SSBP4: variants seen among roughly 807,000 people sequenced by gnomAD.
SSBP4 encodes single stranded DNA binding protein 4.
A neutral mutation model predicts 64.6 loss-of-function variants in SSBP4; 33 were observed. The observed-to-expected ratio is 0.51, with a 90% CI of 0.39 to 0.68. The LOEUF is 0.68. Ranked by LOEUF, SSBP4 falls within the 30% of genes least tolerant of loss-of-function variation. The pLI is 0.00. For missense variants in SSBP4, 583 were observed against 566.8 expected, an observed-to-expected ratio of 1.03 and a Z score of -0.29; for synonymous variants, 243 against 224.0, an observed-to-expected ratio of 1.08 and a Z score of -0.76.
upstream of SSBP4, among the ~76,000 whole-genome samples, chr19:18,418,599 G>T (rs1175855207): frequency 2.0e-5 from 3 of 152,236 alleles, no homozygotes; most frequent in Admixed American, 6.5e-5. The surrounding 1 kb of genome is among the most constrained non-coding windows in gnomAD (Gnocchi z 6.7). Context: ...TCGGGGTGGT[G>T]CCAGGTGGCT....
At position 18,419,574 on chromosome 19, in the gene SSBP4, G is replaced by C. The variant is rs1392080802; in HGVS notation, c.-75G>C. The C allele has an allele frequency of 7.4e-6, 9 of 1,211,552 alleles. No homozygotes were observed. Among genetic ancestry groups the C allele is most frequent in the South Asian group, 2.5e-5 (1 of 39,346 alleles). The allele number at this position is 1,211,552 out of a possible 1,614,324, so 75.1% of individuals were successfully genotyped here. A position where few individuals can be genotyped will look rare whatever the true frequency, so the allele number is the denominator to read the frequency against. ...GCGGTGAGGCCCGGGGCGCGGGGTA[G>C]CTATGGCGACGGCAAGCGCGGCCCG... On this transcript the variant is annotated 5_prime_UTR_variant, in exon 1 of 18. Coordinates refer to ENST00000270061, the MANE Select transcript of SSBP4 (RefSeq NM_032627.5).
chr19:18,417,069 C>G (rs1447209063), upstream of SSBP4, among the ~76,000 whole-genome samples: 1 of 151,998 alleles, frequency 6.6e-6, no homozygotes, highest in Non-Finnish European at 1.5e-5. This position sits in a 1 kb window ranked among gnomAD's most constrained non-coding sequence, Gnocchi z 5.4. Flanking sequence ...CTCCCTCCCT[C>G]CTTCCCTCCC....
the SSBP4 span, among the ~76,000 whole-genome samples, chr19:18,408,823 T>G: frequency 6.6e-6 from 1 of 151,826 alleles, no homozygotes; most frequent in Non-Finnish European, 1.5e-5. Flanking sequence ...TCTTTTGGTT[T>G]GTTTTTTTGA....
intron 4 of SSBP4, among the ~76,000 whole-genome samples, chr19:18,429,347 GC>G (rs1220499015): frequency 1.3e-5 from 2 of 152,118 alleles, no homozygotes; most frequent in Non-Finnish European, 2.9e-5. Flanking sequence ...CGCGGGCCGG[GC>G]CGGCTCCTCT....
At chr19:18,409,829 T>C in the SSBP4 span, among the ~76,000 whole-genome samples, 2 of 151,908 alleles carry the variant, frequency 1.3e-5, no homozygotes, top group East Asian at 3.9e-4. Flanking sequence ...TGGTTCAGTT[T>C]TTGTTTTTTC....
the SSBP4 span, among the ~76,000 whole-genome samples, chr19:18,413,753 ACACCTGTAATCGCAG>A: frequency 6.6e-6 from 1 of 152,070 alleles, no homozygotes; most frequent in Non-Finnish European, 1.5e-5. Flanking sequence ...GTGGTGGCTC[ACACCTGTAATCGCAG>A]CACTTTGGGA....
upstream of SSBP4, chr19:18,419,001 C>G (rs745401004): frequency 1.0e-5 from 10 of 985,474 alleles, no homozygotes; most frequent in African/African-American, 1.7e-4. Flanking sequence ...GGGTGAGACA[C>G]CCAATGTCAC....
chr19:18,407,621 C>T, the SSBP4 span, among the ~76,000 whole-genome samples: 1 of 150,818 alleles, frequency 6.6e-6, no homozygotes, highest in Admixed American at 6.6e-5. Flanking sequence ...TTAGTAGAGA[C>T]GGGGTTTCAC....
chr19:18,416,907 G>A (rs890874257), upstream of SSBP4, among the ~76,000 whole-genome samples: 22 of 152,190 alleles, frequency 1.4e-4, no homozygotes, highest in African/African-American at 5.1e-4. Flanking sequence ...CCCCGACGCC[G>A]CGTGGGACCC....
rs561691515 is a variant in SSBP4 at position 18,430,736 on chromosome 19, C to A, written c.280-105C>A. The A allele has an allele frequency of 1.0e-5, 10 of 973,900 alleles. No homozygotes were observed. In the East Asian group the frequency reaches 2.5e-4, roughly 25 times the overall value. 60.3% of individuals were successfully genotyped at this position (973,900 alleles called of 1,614,324 possible). A position where few individuals can be genotyped will look rare whatever the true frequency, so the allele number is the denominator to read the frequency against. On this transcript the variant is annotated intron_variant, in intron 4 of 17. Coordinates refer to ENST00000270061, the MANE Select transcript of SSBP4 (RefSeq NM_032627.5). ...GTGTGCTCACTGACCAATGCCAGCT[C>A]GCTGTCCCATGGGGCCGGCCACCTG...
chr19:18,426,505 TA>T lies in SSBP4; in HGVS notation c.60-845del, dbSNP rs1972865523. Among the ~76,000 whole-genome samples the T allele has an allele frequency of 6.6e-6, 1 of 152,012 alleles. No individual in the cohort carries two copies. The highest frequency in any genetic ancestry group is 1.5e-5 in the Non-Finnish European group (1 of 67,972). Reference sequence around the variant, plus strand: ...CCACAGGACTGGGCGACCCTTTGGATAGGGGGTTTGTCCTCTGCTCTCTGGT... The same window carrying T: ...CCACAGGACTGGGCGACCCTTTGGATGGGGGTTTGTCCTCTGCTCTCTGGT... On this transcript the variant is annotated intron_variant, in intron 1 of 17. Transcript: ENST00000270061. This position sits in a 1 kb window ranked among gnomAD's most constrained non-coding sequence, Gnocchi z 4.5.
intron 16 of SSBP4, 35 bp downstream of exon 16, chr19:18,433,648 CG>C (rs754853471): frequency 2.6e-3 from 526 of 200,304 alleles, no homozygotes; most frequent in South Asian, 3.8e-3. Flanking sequence ...GGGTGGGATC[CG>C]GGGGGGGTGG....
the SSBP4 span, among the ~76,000 whole-genome samples, chr19:18,411,235 G>A: frequency 6.6e-6 from 1 of 152,204 alleles, no homozygotes; most frequent in East Asian, 1.9e-4. Flanking sequence ...GCTCACGCCT[G>A]TAATCTCAAC....
rs2144825844 is a variant in SSBP4, at chr19:18,433,848, G to C, written c.1128+31G>C. 2.3e-6 allele frequency: 3 copies of C among 1,305,406 alleles called. No homozygotes were observed. The Admixed American group carries it at 1.3e-4, about 57-fold the overall frequency. 80.9% of individuals were successfully genotyped at this position (1,305,406 alleles called of 1,614,324 possible). ...CGACTGCGTCGACTCCCCCCCCGCG[G>C]CGGCGTCGGGCCGGAGGGGCTGGCG... On this transcript the variant is annotated intron_variant, in intron 17 of 17. Transcript: ENST00000270061.
At chr19:18,433,648 C>CGG in intron 16 of SSBP4, 35 bp downstream of exon 16, 2 of 205,750 alleles carry the variant, frequency 9.7e-6, no homozygotes, top group African/African-American at 2.2e-4. Context: ...GGGTGGGATC[C>CGG]GGGGGGGGTG....
the SSBP4 span, among the ~76,000 whole-genome samples, chr19:18,408,310 C>T: frequency 6.6e-6 from 1 of 152,116 alleles, no homozygotes. Flanking sequence ...ACAGAAGCAC[C>T]TCTTCTGTTG....
rs1555724124 is a variant in SSBP4 at position 18,430,864 on chromosome 19, C to T, written c.303C>T (p.Pro101=). 2.5e-6 allele frequency: 4 copies of T among 1,613,244 alleles called. No homozygotes were observed. Among genetic ancestry groups the T allele is most frequent in the Non-Finnish European group, 2.5e-6 (3 of 1,179,784 alleles). The change falls in exon 5 of 18, where the codon CCC becomes CCT. Residue 101 remains proline (P), a synonymous_variant. Coordinates refer to ENST00000270061, the MANE Select transcript of SSBP4 (RefSeq NM_032627.5). Reference sequence around the variant, plus strand: ...AGAGTGCTGCAGCCGCCCCCAGCCCCGTTATGGGGAGTATGGCCCCAGGTG... The same window carrying T: ...AGAGTGCTGCAGCCGCCCCCAGCCCTGTTATGGGGAGTATGGCCCCAGGTG... ...QDYSAAAAPS[P]VMGSMAPGDT... is the part of the protein sequence containing the mutation.
intron 4 of SSBP4, 59 bp from the exon 5 acceptor site, chr19:18,430,782 C>A: frequency 6.7e-7 from 1 of 1,492,790 alleles, no homozygotes; most frequent in Non-Finnish European, 9.1e-7. Context: ...GGGCACACCC[C>A]AGGTAGGAAG....
chr19:18,428,580 A>C (rs1335132530), intron 4 of SSBP4, among the ~76,000 whole-genome samples: 1 of 152,152 alleles, frequency 6.6e-6, no homozygotes, highest in Non-Finnish European at 1.5e-5. Context: ...AGCAGATGGC[A>C]GCCCTTCCCT....
Sources: gnomAD v4.1 joint callset for allele counts (sites outside exome capture counted in the v4.1 genomes callset) on GRCh38, gnomAD v4.1.1 for gene constraint, Gnocchi (gnomAD v3.1) non-coding constraint, MANE v1.5 for transcripts, NCBI Gene and HGNC (gene_info 2026-07-23, HGNC 2026-07-21) for gene names.